DAB2IP: variants seen among roughly 807,000 people sequenced by gnomAD.
DAB2IP encodes the protein disabled homolog 2-interacting protein.
Under a neutral mutation model 107.2 loss-of-function variants are expected in DAB2IP, and 28 were observed. The observed-to-expected ratio is 0.26, with a 90% CI of 0.19 to 0.36. The LOEUF is 0.36. Among genes scored for constraint, DAB2IP ranks in the 10% least tolerant of loss-of-function variants. The pLI, the probability that DAB2IP is intolerant of heterozygous loss-of-function variation, is 1.00. For synonymous variants in DAB2IP, 755 were observed against 706.4 expected (o/e 1.07, Z -1.09); for missense variants, 1,400 against 1,644.7 (o/e 0.85, Z 2.57).
At chr9:121,753,690 G>A (rs1833286761) in intron 3 of DAB2IP, among the ~76,000 whole-genome samples, 1 of 152,110 alleles carries the variant, frequency 6.6e-6, no homozygotes, top group South Asian at 2.1e-4. Flanking sequence ...GTTGAAATAT[G>A]AAAAAAGGGA....
intron 1 of DAB2IP, among the ~76,000 whole-genome samples, chr9:121,656,020 T>C (rs1832956280): frequency 6.6e-6 from 1 of 151,508 alleles, no homozygotes; most frequent in African/African-American, 2.4e-5. Context: ...GGCTTTTTTT[T>C]TTTTTGAGAC....
chr9:121,761,791 A>G (rs574635133), intron 6 of DAB2IP, among the ~76,000 whole-genome samples: 1 of 152,222 alleles, frequency 6.6e-6, no homozygotes, highest in Non-Finnish European at 1.5e-5. Context: ...AACACTGGGG[A>G]CGTATGCTGG....
chr9:121,609,936 C>A lies in DAB2IP; in HGVS notation c.40+42708C>A, dbSNP rs1831031226. 3.3e-5 allele frequency among the ~76,000 whole-genome samples: 5 copies of A among 152,292 alleles called. No individual in the cohort carries two copies. In the South Asian group the frequency reaches 1.0e-3, roughly 32 times the overall value. On this transcript the variant is annotated intron_variant, in intron 1 of 16. Coordinates refer to the DAB2IP transcript ENST00000259371. ...CCAGCAACGCCAAGCCTGCAGGTTC[C>A]CAGAGAGGGCTCCTGGCGTCGGTGT...
chr9:121,771,609 G>A (rs1436754474), intron 11 of DAB2IP, among the ~76,000 whole-genome samples: 2 of 152,156 alleles, frequency 1.3e-5, no homozygotes, highest in Non-Finnish European at 2.9e-5. Flanking sequence ...TGGAGTGGGG[G>A]GTGCAGTAGA....
chr9:121,631,958 G>T (rs1831904562), intron 1 of DAB2IP, among the ~76,000 whole-genome samples: 1 of 152,150 alleles, frequency 6.6e-6, no homozygotes, highest in South Asian at 2.1e-4. Flanking sequence ...GATGGGAGAG[G>T]ATGGGCGGGA....
At chr9:121,609,298 G>C (rs1181144164) in intron 1 of DAB2IP, among the ~76,000 whole-genome samples, 1 of 152,130 alleles carries the variant, frequency 6.6e-6, no homozygotes, top group Non-Finnish European at 1.5e-5. Flanking sequence ...TCTTCCCCAT[G>C]GTGGGAGGAA....
At chr9:121,762,584 C>T (rs891871240) in intron 6 of DAB2IP, among the ~76,000 whole-genome samples, 4 of 152,198 alleles carry the variant, frequency 2.6e-5, no homozygotes, top group Non-Finnish European at 5.9e-5. Context: ...ACCCCAAGGT[C>T]GTGCATGTCG....
At chr9:121,765,790 G>T (rs750922910) in intron 8 of DAB2IP, among the ~76,000 whole-genome samples, 12 of 152,344 alleles carry the variant, frequency 7.9e-5, no homozygotes, top group Admixed American at 2.0e-4. Flanking sequence ...TGGCAGGCCA[G>T]GATGCCCAGT....
rs199832930 is a variant in DAB2IP, at chr9:121,757,032, C to T, written c.382C>T (p.Leu128=). The stretch of plus-strand genomic sequence containing the variant: ...CCCCAGGTCCCATCTGATGCCGAGG[C>T]TGAAGGAGTCTCGCTCCCACGAGTC... Residue 128 remains leucine, a synonymous_variant, in exon 4 of 16, where the codon CTG becomes TTG. Transcript: ENST00000408936. 1.9e-6 allele frequency: 3 copies of T among 1,614,160 alleles called. No homozygotes were observed. In the East Asian group the frequency reaches 6.7e-5, roughly 36 times the overall value.
chr9:121,607,949 C>T lies in DAB2IP; in HGVS notation c.40+40721C>T, dbSNP rs76447155. 3.9e-3 allele frequency among the ~76,000 whole-genome samples: 597 copies of T among 152,320 alleles called. 4 individuals are homozygous for T. Among genetic ancestry groups the T allele is most frequent in the Non-Finnish European group, 6.2e-3 (425 of 68,026 alleles). On this transcript the variant is annotated intron_variant, in intron 1 of 16. Coordinates refer to the DAB2IP transcript ENST00000259371. ...GCCAGAAGACATAATGGAAGCAGGC[C>T]CTGGCCAGAGCAGGGACCTCAGAGC...
chr9:121,658,848 G>C (rs1480194232), intron 1 of DAB2IP, among the ~76,000 whole-genome samples: 1 of 152,142 alleles, frequency 6.6e-6, no homozygotes, highest in Non-Finnish European at 1.5e-5. Flanking sequence ...ATTGGGGATG[G>C]GTTTTCCTCC....
intron 10 of DAB2IP, among the ~76,000 whole-genome samples, chr9:121,770,292 T>C (rs942328610): frequency 2.6e-5 from 4 of 152,200 alleles, no homozygotes; most frequent in African/African-American, 9.7e-5. Context: ...AGGAGAGGCT[T>C]GCACTAGGTC....
intron 1 of DAB2IP, among the ~76,000 whole-genome samples, chr9:121,669,591 T>C (rs1833591919): frequency 6.6e-6 from 1 of 152,138 alleles, no homozygotes; most frequent in Middle Eastern, 3.4e-3. Flanking sequence ...CAGAGGCAAG[T>C]CTATAACTGT....
intron 1 of DAB2IP, among the ~76,000 whole-genome samples, chr9:121,596,309 C>T (rs1297730124): frequency 6.6e-6 from 1 of 151,864 alleles, no homozygotes; most frequent in Non-Finnish European, 1.5e-5. Context: ...CCAGCCTGGG[C>T]AATAAGAGTG....
At chr9:121,770,615 G>A in exon 11 of DAB2IP, 1 of 1,614,138 alleles carries the variant, frequency 6.2e-7, no homozygotes, top group Non-Finnish European at 8.5e-7. Flanking sequence ...GAGCACCCCA[G>A]GTAGCGGGCA....
intron 1 of DAB2IP, among the ~76,000 whole-genome samples, chr9:121,595,341 C>T (rs1398739106): frequency 6.6e-6 from 1 of 151,940 alleles, no homozygotes; most frequent in Non-Finnish European, 1.5e-5. Context: ...ACCTGTAATC[C>T]CAGCACTTTA....
At chr9:121,781,532 A>T in exon 15 of DAB2IP, 1 of 1,614,050 alleles carries the variant, frequency 6.2e-7, no homozygotes, top group Non-Finnish European at 8.5e-7. Context: ...GACTCCAAAC[A>T]GAAGATCATT....
intron 1 of DAB2IP, among the ~76,000 whole-genome samples, chr9:121,615,384 G>A (rs1181686946): frequency 1.3e-5 from 2 of 152,114 alleles, no homozygotes; most frequent in Non-Finnish European, 2.9e-5. Context: ...CTATTGATAA[G>A]CTTTGCGACA....
chr9:121,690,244 G>A (rs1021845865), intron 2 of DAB2IP, among the ~76,000 whole-genome samples: 2 of 152,228 alleles, frequency 1.3e-5, no homozygotes, highest in Non-Finnish European at 2.9e-5. Context: ...GCAGTGCACA[G>A]AGCACAGGAT....
Sources: gnomAD v4.1 joint callset for allele counts (sites outside exome capture counted in the v4.1 genomes callset) on GRCh38, gnomAD v4.1.1 for gene constraint, MANE v1.5 for transcripts, NCBI Gene and HGNC (gene_info 2026-07-23, HGNC 2026-07-21) for gene names.